WWOX: variants seen among roughly 807,000 people sequenced by gnomAD.
WWOX encodes WW domain containing oxidoreductase.
In WWOX, 69 loss-of-function variants were observed where a neutral mutation model predicts 46.2. The observed-to-expected ratio is 1.49, with a 90% CI of 1.23 to 1.82. WWOX has a LOEUF of 1.82. Ranked by LOEUF, WWOX falls within the 40% of genes most tolerant of loss-of-function variation. The pLI, the probability that WWOX is intolerant of heterozygous loss-of-function variation, is 0.00. For missense variants in WWOX, 919 were observed against 542.6 expected (o/e 1.69, Z -6.89); for synonymous variants, 359 against 202.6 (o/e 1.77, Z -6.56).
chr16:78,567,772 C>T (rs1332445799), intron 8 of WWOX, among the ~76,000 whole-genome samples: 2 of 151,818 alleles, frequency 1.3e-5, no homozygotes, highest in African/African-American at 2.4e-5. Context: ...AGTTTTTCTC[C>T]CGCAACTGGG....
intron 8 of WWOX, among the ~76,000 whole-genome samples, chr16:79,132,127 A>AACACACACAC (rs141785224): frequency 4.6e-4 from 65 of 141,586 alleles, no homozygotes; most frequent in East Asian, 1.2e-3. Context: ...CACTTGCAGA[A>AACACACACAC]ACACACACAC....
chr16:78,475,144 C>T (rs190954263), intron 8 of WWOX, among the ~76,000 whole-genome samples: 87 of 152,296 alleles, frequency 5.7e-4, no homozygotes, highest in Admixed American at 1.1e-3. Flanking sequence ...GCTGTAGGGA[C>T]ATGCAAAACA....
At position 78,166,297 on chromosome 16, in the gene WWOX, T is replaced by C. The variant is rs566490542; in HGVS notation, c.516+2008T>C. 2.0e-4 allele frequency among the ~76,000 whole-genome samples: 30 copies of C among 152,266 alleles called. No individual in the cohort carries two copies. The South Asian group carries it at 5.8e-3, about 29-fold the overall frequency. ...TAACCAGTCTTCCCTTTGGTGGCCA[T>C]TTAGGTTGTTTGCATTGTTTTGCTA... On this transcript the variant is annotated intron_variant, in intron 5 of 8. Transcript: ENST00000566780.
At chr16:78,684,841 G>C (rs1200213773) in intron 8 of WWOX, among the ~76,000 whole-genome samples, 1 of 152,156 alleles carries the variant, frequency 6.6e-6, no homozygotes, top group Non-Finnish European at 1.5e-5. Flanking sequence ...AGAAAAGAGG[G>C]AGCCAGGAAA....
chr16:78,923,803 T>TG lies in WWOX; in HGVS notation c.1057-287805_1057-287804insG, dbSNP rs1166529296. ...GAACTGTTTTTAGTTAGTTTTTTTT[T>TG]TTTTTTTTTTTTTTCAGACGGAGTC... On this transcript the variant is annotated intron_variant, in intron 8 of 8. Transcript: ENST00000566780. Among the ~76,000 whole-genome samples, 34 of 142,444 alleles carry TG rather than the reference T, an allele frequency of 2.4e-4. 1 individual carries two copies. The highest frequency in any genetic ancestry group is 7.4e-4 in the African/African-American group (28 of 37,948). 93.4% of individuals were successfully genotyped at this position (142,444 alleles called of 152,430 possible). A position where few individuals can be genotyped will look rare whatever the true frequency, so the allele number is the denominator to read the frequency against.
At chr16:78,808,926 C>T (rs987951993) in intron 8 of WWOX, among the ~76,000 whole-genome samples, 4 of 152,152 alleles carry the variant, frequency 2.6e-5, no homozygotes, top group Admixed American at 2.6e-4. Context: ...TTTGCCAATG[C>T]TGCTATTAGG....
At chr16:78,464,807 G>A (rs1454425365) in intron 8 of WWOX, among the ~76,000 whole-genome samples, 1 of 152,158 alleles carries the variant, frequency 6.6e-6, no homozygotes, top group African/African-American at 2.4e-5. Context: ...GGGGGGAAAT[G>A]TTAGACCCTC....
intron 5 of WWOX, among the ~76,000 whole-genome samples, chr16:78,333,923 T>C (rs1201091827): frequency 1.4e-5 from 2 of 147,838 alleles, no homozygotes; most frequent in African/African-American, 2.6e-5. Flanking sequence ...CCTCCCCCTC[T>C]TCTTCTCTTT....
At chr16:78,297,571 C>G (rs1251856296) in intron 5 of WWOX, among the ~76,000 whole-genome samples, 1 of 152,128 alleles carries the variant, frequency 6.6e-6, no homozygotes, top group Admixed American at 6.5e-5. Context: ...GTATTATGGA[C>G]TGAATAAATG....
chr16:78,859,959 G>C (rs77521399), intron 8 of WWOX, among the ~76,000 whole-genome samples: 3,647 of 152,114 alleles, frequency 0.024, 132 homozygotes, highest in African/African-American at 0.082. Flanking sequence ...TTGTGATTTG[G>C]TGACATATCC....
At chr16:78,920,904 G>A (rs1306944600) in intron 8 of WWOX, among the ~76,000 whole-genome samples, 2 of 152,300 alleles carry the variant, frequency 1.3e-5, no homozygotes, top group East Asian at 1.9e-4. Context: ...TTTAAAAACT[G>A]TAATTGACTT....
intron 5 of WWOX, among the ~76,000 whole-genome samples, chr16:78,234,630 C>A (rs1296263043): frequency 6.6e-6 from 1 of 152,050 alleles, no homozygotes. Flanking sequence ...GCTAAGAACC[C>A]ATCAAATCAA....
intron 8 of WWOX, among the ~76,000 whole-genome samples, chr16:78,912,239 C>G (rs544654532): frequency 3.3e-5 from 5 of 152,022 alleles, no homozygotes; most frequent in South Asian, 2.1e-4. Flanking sequence ...GAAGCATGTC[C>G]TATCATTAAC....
chr16:78,240,766 T>TGGGCCAGGCA (rs1567451269), intron 5 of WWOX, among the ~76,000 whole-genome samples: 1 of 152,180 alleles, frequency 6.6e-6, no homozygotes, highest in Non-Finnish European at 1.5e-5. Flanking sequence ...AGGGCCAGGC[T>TGGGCCAGGCA]GGGCCAGGCA....
chr16:78,808,741 T>TAC, intron 8 of WWOX, among the ~76,000 whole-genome samples: 1 of 152,194 alleles, frequency 6.6e-6, no homozygotes, highest in African/African-American at 2.4e-5. Flanking sequence ...ACGTCAAAGA[T>TAC]GAGTAAATTG....
intron 8 of WWOX, among the ~76,000 whole-genome samples, chr16:79,157,384 C>T (rs1251968967): frequency 6.8e-6 from 1 of 147,550 alleles, no homozygotes; most frequent in Non-Finnish European, 1.5e-5. Flanking sequence ...GGTCAAGTCT[C>T]ATAAACTGTG....
chr16:79,086,575 G>T (rs1361508378), intron 8 of WWOX, among the ~76,000 whole-genome samples: 1 of 152,128 alleles, frequency 6.6e-6, no homozygotes, highest in Non-Finnish European at 1.5e-5. Flanking sequence ...TGACTCTGGG[G>T]TGTGGATAAA....
intron 8 of WWOX, among the ~76,000 whole-genome samples, chr16:79,059,422 A>T (rs1170971147): frequency 6.6e-6 from 1 of 152,238 alleles, no homozygotes; most frequent in Admixed American, 6.5e-5. Flanking sequence ...AGAGCTTGAC[A>T]CCTGCATATA....
intron 8 of WWOX, among the ~76,000 whole-genome samples, chr16:78,513,946 C>G (rs372460208): frequency 6.8e-6 from 1 of 147,510 alleles, no homozygotes; most frequent in African/African-American, 2.6e-5. Flanking sequence ...TGGGAACATC[C>G]ATTGGGAAAC....
Sources: gnomAD v4.1 joint callset for allele counts (sites outside exome capture counted in the v4.1 genomes callset) on GRCh38, gnomAD v4.1.1 for gene constraint, MANE v1.5 for transcripts, NCBI Gene and HGNC (gene_info 2026-07-23, HGNC 2026-07-21) for gene names.